NDUFC1: variants seen among roughly 807,000 people sequenced by gnomAD.
The protein encoded by NDUFC1 is NADH dehydrogenase [ubiquinone] 1 subunit C1, mitochondrial.
NDUFC1 carries 11 observed loss-of-function variants against 11.6 expected under a neutral mutation model. The observed-to-expected ratio is 0.95, with a 90% CI of 0.60 to 1.58. The LOEUF (loss-of-function observed/expected upper bound fraction) is 1.58. NDUFC1 is among the 40% of genes most tolerant of loss of function. NDUFC1 has a pLI of 0.00. For missense variants in NDUFC1, 112 were observed against 93.0 expected (o/e 1.20, Z -0.84); for synonymous variants, 52 against 42.2 (o/e 1.23, Z -0.90).
chr4:139,291,103 C>T lies in NDUFC1; in HGVS notation c.*21-1011G>A, dbSNP rs182574175. ...TTAGGATTACAGGCGTGAGCCACTG[C>T]GCCCAGCCAGATGTATATATTTTAT... On this transcript the variant is annotated intron_variant, in intron 5 of 5. Coordinates refer to ENST00000394223, the MANE Select transcript of NDUFC1 (RefSeq NM_001184989.2). Among the ~76,000 whole-genome samples the T allele has an allele frequency of 1.8e-3, 272 of 150,036 alleles. 2 individuals are homozygous for T. Among genetic ancestry groups the T allele is most frequent in the African/African-American group, 6.5e-3 (268 of 41,126 alleles).
chr4:139,294,509 G>C (rs1579061875), intron 4 of NDUFC1, among the ~76,000 whole-genome samples: 1 of 151,856 alleles, frequency 6.6e-6, no homozygotes, highest in African/African-American at 2.4e-5. Flanking sequence ...GGCCGAGGCG[G>C]GCGGATCAAT....
chr4:139,292,476 A>C, intron 5 of NDUFC1, 54 bp downstream of exon 5: 1 of 842,860 alleles, frequency 1.2e-6, no homozygotes, highest in Non-Finnish European at 1.8e-6. Flanking sequence ...GTATTTAAAA[A>C]AGAGGTCAAG....
chr4:139,298,118 C>T (rs1488718240), intron 1 of NDUFC1, among the ~76,000 whole-genome samples: 2 of 152,112 alleles, frequency 1.3e-5, no homozygotes, highest in Non-Finnish European at 2.9e-5. Context: ...TCCCCACACA[C>T]CAAGATGTAT....
chr4:139,291,738 TAAGA>T (rs763886385), intron 5 of NDUFC1, among the ~76,000 whole-genome samples: 4 of 152,152 alleles, frequency 2.6e-5, no homozygotes, highest in South Asian at 2.1e-4. Flanking sequence ...AAACAGACAT[TAAGA>T]AATACACACA....
chr4:139,291,266 C>A (rs1046409384), intron 5 of NDUFC1, among the ~76,000 whole-genome samples: 1 of 151,338 alleles, frequency 6.6e-6, no homozygotes, highest in Non-Finnish European at 1.5e-5. Flanking sequence ...AATAGTCATG[C>A]AGAAAAAAAT....
At chr4:139,299,170 A>G (rs1745600828) in intron 1 of NDUFC1, among the ~76,000 whole-genome samples, 2 of 150,640 alleles carry the variant, frequency 1.3e-5, no homozygotes, top group South Asian at 2.1e-4. Flanking sequence ...GGGTTTCACC[A>G]TGTTGGTCAG....
At chr4:139,296,072 T>A (rs1018859291) in intron 2 of NDUFC1, 112 bp from the exon 3 acceptor site, 4 of 467,444 alleles carry the variant, frequency 8.6e-6, no homozygotes, top group Middle Eastern at 5.4e-4. Flanking sequence ...AGAGGTTTAT[T>A]AAAATTTTCC....
chr4:139,299,468 A>C (rs746119678), intron 1 of NDUFC1, among the ~76,000 whole-genome samples: 6 of 152,160 alleles, frequency 3.9e-5, no homozygotes, highest in Admixed American at 6.5e-5. Flanking sequence ...ATGCAAGCAC[A>C]TGGGGTAAGA....
intron 4 of NDUFC1, among the ~76,000 whole-genome samples, chr4:139,293,718 A>G (rs1745326593): frequency 6.6e-6 from 1 of 152,130 alleles, no homozygotes; most frequent in Admixed American, 6.5e-5. Context: ...AATATAGCAG[A>G]TACTTTAACT....
chr4:139,293,899 C>G (rs1419432236), intron 4 of NDUFC1, among the ~76,000 whole-genome samples: 1 of 146,750 alleles, frequency 6.8e-6, no homozygotes, highest in Non-Finnish European at 1.5e-5. Context: ...AATGATTAAA[C>G]GCAAGTTTAT....
chr4:139,301,426 A>C, intron 1 of NDUFC1: 2 of 429,904 alleles, frequency 4.7e-6, no homozygotes, highest in South Asian at 1.1e-4. Context: ...AACCCAGAGG[A>C]GGTGGGGAAA....
chr4:139,292,396 G>T, intron 5 of NDUFC1, 134 bp downstream of exon 5: 29 of 347,384 alleles, frequency 8.3e-5, no homozygotes, highest in South Asian at 9.4e-5. Flanking sequence ...TTATAAATTT[G>T]TCACAGACAG....
chr4:139,292,650 C>A, intron 4 of NDUFC1, 41 bp from the exon 5 acceptor site: 3 of 1,227,644 alleles, frequency 2.4e-6, no homozygotes, highest in Non-Finnish European at 3.5e-6. Context: ...ATGTAATCTT[C>A]CTGGATACTT....
intron 1 of NDUFC1, among the ~76,000 whole-genome samples, chr4:139,299,175 G>C (rs566600717): frequency 1.5e-4 from 23 of 151,812 alleles, no homozygotes; most frequent in Non-Finnish European, 3.1e-4. Flanking sequence ...TCACCATGTT[G>C]GTCAGGCTGG....
Position 139,292,039 on chromosome 4 carries a change from G to A in NDUFC1, c.*20+491C>T, listed in dbSNP as rs1454720446. On this transcript the variant is annotated intron_variant, in intron 5 of 5. Coordinates refer to ENST00000394223, the MANE Select transcript of NDUFC1 (RefSeq NM_001184989.2). ...TTTTTGGTAGAGACGGTGTTTCACT[G>A]TGTTAGCCAGGATGGTCTTGATCTC... Among the ~76,000 whole-genome samples the A allele has an allele frequency of 2.0e-5, 3 of 152,172 alleles. 1 individual carries two copies. In the South Asian group the frequency reaches 6.3e-4, roughly 32 times the overall value.
At chr4:139,295,618 A>C (rs1481532187) in intron 3 of NDUFC1, 114 bp downstream of exon 3, 6 of 1,177,234 alleles carry the variant, frequency 5.1e-6, no homozygotes, top group Non-Finnish European at 7.0e-6. Flanking sequence ...TCTGCCGGCG[A>C]AGGTCACTGC....
chr4:139,302,073 C>T lies in NDUFC1; in HGVS notation c.-222+343G>A, dbSNP rs1745791931. 1.2e-5 allele frequency: 5 copies of T among 410,064 alleles called. No homozygotes were observed. In the East Asian group the frequency reaches 1.5e-4, roughly 12 times the overall value. 25.4% of individuals were successfully genotyped at this position (410,064 alleles called of 1,614,324 possible). On this transcript the variant is annotated intron_variant, in intron 1 of 5. Transcript: ENST00000394223. ...TTGAGGCCCTGGTTCCGGACTAGGC[C>T]CCGACCTCCCGGCTTCTAGACTGCC...
chr4:139,295,227 G>A, intron 3 of NDUFC1, 81 bp from the exon 4 acceptor site: 1 of 1,071,170 alleles, frequency 9.3e-7, no homozygotes, highest in Non-Finnish European at 1.4e-6. Context: ...GCGTATTATC[G>A]CATTTAATTC....
At chr4:139,301,589 G>A (rs1488549322) in intron 1 of NDUFC1, 5 of 639,598 alleles carry the variant, frequency 7.8e-6, no homozygotes, top group Non-Finnish European at 1.1e-5. Context: ...CGTTAAGTGA[G>A]AAAGGAAAAA....
Sources: gnomAD v4.1 joint callset for allele counts (sites outside exome capture counted in the v4.1 genomes callset) on GRCh38, gnomAD v4.1.1 for gene constraint, MANE v1.5 for transcripts, NCBI Gene and HGNC (gene_info 2026-07-23, HGNC 2026-07-21) for gene names.